Variants in SPPL3 observed in about 807,000 individuals in gnomAD.
SPPL3 encodes signal peptide peptidase-like 3.
Under a neutral mutation model 42.4 loss-of-function variants are expected in SPPL3, and 5 were observed. The ratio of observed to expected loss-of-function variants is 0.12; its 90% CI spans 0.06 to 0.25. SPPL3 has a LOEUF of 0.25. Ranked by LOEUF, SPPL3 falls within the 10% of genes least tolerant of loss-of-function variation. The pLI, the probability that SPPL3 is intolerant of heterozygous loss-of-function variation, is 1.00. For synonymous variants in SPPL3, 195 were observed against 181.8 expected (o/e 1.07, Z -0.58); for missense variants, 235 against 489.0 (o/e 0.48, Z 4.90).
intron 10 of SPPL3, 115 bp from the exon 11 acceptor site, chr12:120,765,185 G>T: frequency 1.1e-6 from 1 of 904,228 alleles, no homozygotes; most frequent in Non-Finnish European, 1.6e-6. Context: ...CTATATATTG[G>T]CCAGGCTGGT....
At chr12:120,811,687 T>C (rs996150233) in intron 1 of SPPL3, among the ~76,000 whole-genome samples, 1 of 152,182 alleles carries the variant, frequency 6.6e-6, no homozygotes, top group African/African-American at 2.4e-5. Context: ...AGCAGGCTTT[T>C]TGTTGTTGTT....
chr12:120,803,741 T>C (rs1276482756), intron 2 of SPPL3, among the ~76,000 whole-genome samples: 1 of 152,140 alleles, frequency 6.6e-6, no homozygotes, highest in Non-Finnish European at 1.5e-5. Context: ...AGTGAATTGA[T>C]GAAATTCTTA....
At chr12:120,780,793 A>C (rs1445840476) in intron 6 of SPPL3, among the ~76,000 whole-genome samples, 1 of 151,878 alleles carries the variant, frequency 6.6e-6, no homozygotes, top group Non-Finnish European at 1.5e-5. Context: ...TGTGCCCACA[A>C]TCCCAGCTAC....
At chr12:120,894,434 AG>A (rs1335704612) in intron 1 of SPPL3, among the ~76,000 whole-genome samples, 4 of 152,264 alleles carry the variant, frequency 2.6e-5, no homozygotes, top group African/African-American at 9.6e-5. Context: ...CAAGTTTGGA[AG>A]GTCAAGCTAA....
chr12:120,899,882 C>A (rs1873920811), intron 1 of SPPL3, among the ~76,000 whole-genome samples: 1 of 81,418 alleles, frequency 1.2e-5, no homozygotes, highest in African/African-American at 4.6e-5. Flanking sequence ...GAGCAAGACC[C>A]TGTCTCAAAA....
At chr12:120,841,311 G>A (rs769062983) in intron 1 of SPPL3, among the ~76,000 whole-genome samples, 3 of 151,906 alleles carry the variant, frequency 2.0e-5, no homozygotes, top group Non-Finnish European at 4.4e-5. Flanking sequence ...GGCAACAAGA[G>A]CGAAACTCCA....
chr12:120,770,874 AC>A (rs780998083), intron 6 of SPPL3, among the ~76,000 whole-genome samples: 36 of 152,342 alleles, frequency 2.4e-4, no homozygotes, highest in Admixed American at 6.5e-4. Context: ...AGACATATAT[AC>A]TTGGCTGTCT....
chr12:120,789,154 G>A (rs1422115685), intron 3 of SPPL3, among the ~76,000 whole-genome samples: 2 of 152,162 alleles, frequency 1.3e-5, no homozygotes, highest in Admixed American at 6.5e-5. Flanking sequence ...AGCTGGCAGA[G>A]TTAAGAAAGA....
intron 1 of SPPL3, among the ~76,000 whole-genome samples, chr12:120,816,126 T>C (rs1357097791): frequency 6.6e-6 from 1 of 152,230 alleles, no homozygotes; most frequent in Non-Finnish European, 1.5e-5. Flanking sequence ...CTTCATAGTC[T>C]GTTTTTCTAG....
intron 2 of SPPL3, among the ~76,000 whole-genome samples, chr12:120,807,882 A>G (rs185686844): frequency 3.3e-5 from 5 of 152,238 alleles, no homozygotes; most frequent in Middle Eastern, 6.8e-3. Context: ...CAACTTATTC[A>G]GTGAGTTCAA....
At chr12:120,871,844 T>C (rs1406807560) in intron 1 of SPPL3, among the ~76,000 whole-genome samples, 1 of 152,204 alleles carries the variant, frequency 6.6e-6, no homozygotes, top group Non-Finnish European at 1.5e-5. Flanking sequence ...TTACTTATAA[T>C]AGCTAATACA....
chr12:120,788,345 A>G (rs1312582092), intron 3 of SPPL3, among the ~76,000 whole-genome samples: 1 of 152,180 alleles, frequency 6.6e-6, no homozygotes, highest in Non-Finnish European at 1.5e-5. Context: ...TTGCCCAGAT[A>G]GGTGGAACAT....
intron 6 of SPPL3, among the ~76,000 whole-genome samples, chr12:120,770,445 C>G (rs1869074654): frequency 6.6e-6 from 1 of 152,122 alleles, no homozygotes; most frequent in Non-Finnish European, 1.5e-5. Context: ...TAGATGTTAT[C>G]ATTTGAGTGC....
chr12:120,845,875 T>TATC, intron 1 of SPPL3, among the ~76,000 whole-genome samples: 1 of 150,694 alleles, frequency 6.6e-6, no homozygotes, highest in East Asian at 1.9e-4. Flanking sequence ...TCTATCTATC[T>TATC]ATCTATCTAT....
chr12:120,795,377 G>C (rs1427675613), intron 2 of SPPL3, among the ~76,000 whole-genome samples: 1 of 152,206 alleles, frequency 6.6e-6, no homozygotes, highest in East Asian at 1.9e-4. Context: ...CTGCTCAAAA[G>C]ACTTCCTTTA....
intron 1 of SPPL3, among the ~76,000 whole-genome samples, chr12:120,899,694 C>T (rs1873914602): frequency 6.6e-6 from 1 of 151,650 alleles, no homozygotes. Flanking sequence ...AGATCAAGAC[C>T]ATCCTGGCTA....
intron 1 of SPPL3, chr12:120,845,015 C>G: frequency 4.3e-6 from 1 of 233,894 alleles, no homozygotes; most frequent in Non-Finnish European, 8.9e-6. Context: ...TGTGACCGAA[C>G]CATGGAGGCA....
chr12:120,891,123 G>C (rs1873626994), intron 1 of SPPL3, among the ~76,000 whole-genome samples: 2 of 152,162 alleles, frequency 1.3e-5, no homozygotes, highest in African/African-American at 4.8e-5. Flanking sequence ...AATCACATTT[G>C]CCATTCACAT....
At chr12:120,878,933 G>C (rs746943995) in intron 1 of SPPL3, among the ~76,000 whole-genome samples, 1 of 151,772 alleles carries the variant, frequency 6.6e-6, no homozygotes, top group African/African-American at 2.4e-5. Context: ...GACCAACATG[G>C]AGAAACCCCG....
Sources: gnomAD v4.1 joint callset for allele counts (sites outside exome capture counted in the v4.1 genomes callset) on GRCh38, gnomAD v4.1.1 for gene constraint, MANE v1.5 for transcripts, NCBI Gene and HGNC (gene_info 2026-07-23, HGNC 2026-07-21) for gene names.